RUNDC3B: variants seen among roughly 807,000 people sequenced by gnomAD.
RUNDC3B encodes the protein RUN domain-containing protein 3B.
Under a neutral mutation model 58.4 loss-of-function variants are expected in RUNDC3B, and 33 were observed. The ratio of observed to expected loss-of-function variants is 0.56; its 90% CI spans 0.43 to 0.75. RUNDC3B has a LOEUF of 0.75. RUNDC3B is among the 30% of genes least tolerant of loss of function. The probability of loss-of-function intolerance (pLI) is 0.00; values close to 1 mark genes in which losing one functional copy is unlikely to be tolerated. For synonymous variants in RUNDC3B, 193 were observed against 195.2 expected (o/e 0.99, Z 0.10); for missense variants, 501 against 535.7 (o/e 0.94, Z 0.64).
At chr7:87,789,300 A>G (rs1835400951) in intron 8 of RUNDC3B, among the ~76,000 whole-genome samples, 1 of 152,230 alleles carries the variant, frequency 6.6e-6, no homozygotes, top group African/African-American at 2.4e-5. Context: ...TTTCCTAGTA[A>G]AGAAACTGAA....
chr7:87,687,469 A>G (rs183723335), intron 2 of RUNDC3B, among the ~76,000 whole-genome samples: 137 of 152,252 alleles, frequency 9.0e-4, no homozygotes, highest in African/African-American at 3.2e-3. Flanking sequence ...AACTTCTAGC[A>G]TATTATTTTA....
chr7:87,809,695 G>A (rs566904353), intron 9 of RUNDC3B, among the ~76,000 whole-genome samples: 1 of 152,224 alleles, frequency 6.6e-6, no homozygotes, highest in East Asian at 1.9e-4. Flanking sequence ...TAAAATTAAA[G>A]TGAACAACTC....
chr7:87,728,084 A>G (rs1831351937), intron 4 of RUNDC3B, among the ~76,000 whole-genome samples: 1 of 152,192 alleles, frequency 6.6e-6, no homozygotes, highest in Non-Finnish European at 1.5e-5. Flanking sequence ...CAATAAAATT[A>G]TATAGAATAT....
At chr7:87,648,552 C>T (rs1823258655) in intron 1 of RUNDC3B, among the ~76,000 whole-genome samples, 1 of 151,482 alleles carries the variant, frequency 6.6e-6, no homozygotes, top group African/African-American at 2.4e-5. Context: ...AAGAGGCTTA[C>T]ACTATATCTT....
chr7:87,761,665 C>T (rs1206452397), intron 6 of RUNDC3B, among the ~76,000 whole-genome samples: 6 of 151,846 alleles, frequency 4.0e-5, no homozygotes, highest in Admixed American at 2.0e-4. Flanking sequence ...TGATACCTAC[C>T]ACAACATGGA....
In RUNDC3B at chr7:87,728,474, C is replaced by T. The variant is rs76736869; in HGVS notation, c.459-11317C>T. 8.9e-3 allele frequency among the ~76,000 whole-genome samples: 1,359 copies of T among 152,296 alleles called. 14 individuals are homozygous for T. The highest frequency in any genetic ancestry group is 0.025 in the Admixed American group (380 of 15,276). On this transcript the variant is annotated intron_variant, in intron 4 of 10. Coordinates refer to ENST00000394654, the MANE Select transcript of RUNDC3B (RefSeq NM_001134405.2). ...AGAAGTCTGAGATGGGTCAGCAGGA[C>T]AGCAGTTCCTCTTGAGATTCTAGGG... is the stretch of plus-strand genomic sequence containing the variant.
chr7:87,690,929 A>G (rs1289051065), intron 2 of RUNDC3B, among the ~76,000 whole-genome samples: 1 of 152,162 alleles, frequency 6.6e-6, no homozygotes, highest in East Asian at 1.9e-4. Context: ...AAAAAAATAT[A>G]TATGCAGAGA....
At chr7:87,776,571 A>C (rs978182828) in intron 7 of RUNDC3B, among the ~76,000 whole-genome samples, 2 of 152,050 alleles carry the variant, frequency 1.3e-5, no homozygotes, top group Non-Finnish European at 2.9e-5. Flanking sequence ...GCAATCAAGG[A>C]AGGCATTATA....
At chr7:87,789,471 A>G (rs914381805) in intron 8 of RUNDC3B, among the ~76,000 whole-genome samples, 2 of 152,226 alleles carry the variant, frequency 1.3e-5, no homozygotes. Context: ...ATTCTGATGC[A>G]CAAGTTTAAG....
At chr7:87,729,359 C>T (rs951058135) in intron 4 of RUNDC3B, among the ~76,000 whole-genome samples, 3 of 152,184 alleles carry the variant, frequency 2.0e-5, no homozygotes, top group African/African-American at 2.4e-5. Flanking sequence ...GAATCACCTA[C>T]ACCAGCCCTC....
At chr7:87,690,274 G>C (rs1408810800) in intron 2 of RUNDC3B, among the ~76,000 whole-genome samples, 1 of 151,976 alleles carries the variant, frequency 6.6e-6, no homozygotes, top group Non-Finnish European at 1.5e-5. Context: ...AGTTGTCACT[G>C]TTTAGTTGAT....
intron 1 of RUNDC3B, 105 bp from the exon 2 acceptor site, chr7:87,650,717 A>G (rs953113036): frequency 1.4e-6 from 1 of 706,660 alleles, no homozygotes; most frequent in Non-Finnish European, 2.6e-6. Context: ...ATACTCTTGT[A>G]AAATATTTTT....
At chr7:87,655,483 C>T (rs546850831) in intron 2 of RUNDC3B, among the ~76,000 whole-genome samples, 1 of 152,104 alleles carries the variant, frequency 6.6e-6, no homozygotes, top group African/African-American at 2.4e-5. Context: ...AAGACAAATA[C>T]TGCATGACTT....
At chr7:87,776,012 G>A (rs1440465662) in intron 7 of RUNDC3B, among the ~76,000 whole-genome samples, 1 of 152,102 alleles carries the variant, frequency 6.6e-6, no homozygotes, top group Non-Finnish European at 1.5e-5. Context: ...AGAAGGAATA[G>A]TTTTCAATGA....
At position 87,830,127 on chromosome 7, in the gene RUNDC3B, T is replaced by A. The variant is rs929754804; in HGVS notation, c.*97T>A. On this transcript the variant is annotated 3_prime_UTR_variant, in exon 11 of 11. Transcript: ENST00000394654. ...CCTTTGAAATTTTATATTGTTCTGG[T>A]ACATGTCTGAAATTCTATTGCTTGG... The A allele has an allele frequency of 1.3e-5, 8 of 621,458 alleles. No individual in the cohort carries two copies. 38.5% of individuals were successfully genotyped at this position (621,458 alleles called of 1,614,324 possible).
At chr7:87,727,110 A>G (rs6945109) in intron 4 of RUNDC3B, among the ~76,000 whole-genome samples, 5,390 of 152,266 alleles carry the variant, frequency 0.035, 149 homozygotes, top group African/African-American at 0.076. Flanking sequence ...CCTGGCCAGA[A>G]ATCCCAACAC....
chr7:87,686,298 G>A (rs979306435), intron 2 of RUNDC3B, among the ~76,000 whole-genome samples: 1 of 152,084 alleles, frequency 6.6e-6, no homozygotes, highest in Non-Finnish European at 1.5e-5. Flanking sequence ...GTAGAATAAG[G>A]ACACATTAAC....
At chr7:87,782,566 G>A (rs1037446430) in intron 8 of RUNDC3B, among the ~76,000 whole-genome samples, 1 of 152,012 alleles carries the variant, frequency 6.6e-6, no homozygotes, top group Non-Finnish European at 1.5e-5. Flanking sequence ...ACGTCAGAGT[G>A]TTGATTTAAG....
chr7:87,748,844 C>A (rs763140478), intron 6 of RUNDC3B, among the ~76,000 whole-genome samples: 1 of 152,034 alleles, frequency 6.6e-6, no homozygotes, highest in Non-Finnish European at 1.5e-5. Context: ...GTAATGACAC[C>A]GTGATTTCTA....
Sources: gnomAD v4.1 joint callset for allele counts (sites outside exome capture counted in the v4.1 genomes callset) on GRCh38, gnomAD v4.1.1 for gene constraint, MANE v1.5 for transcripts, NCBI Gene and HGNC (gene_info 2026-07-23, HGNC 2026-07-21) for gene names.